Variants in CYB5R4 observed in about 807,000 individuals in gnomAD.
CYB5R4 encodes the protein cytochrome b5 reductase 4, also known as N-terminal cytochrome b5 and cytochrome b5 oxidoreductase domain-containing protein.
In CYB5R4, 55 loss-of-function variants were observed where a neutral mutation model predicts 70.2. The observed-to-expected ratio is 0.78, with a 90% CI of 0.63 to 0.98. The LOEUF (loss-of-function observed/expected upper bound fraction) is 0.98, where lower values mean the gene tolerates loss of function less well. Among genes scored for constraint, CYB5R4 ranks in the 50% least tolerant of loss-of-function variants. CYB5R4 has a pLI of 0.00. For synonymous variants in CYB5R4, 197 were observed against 199.5 expected (o/e 0.99, Z 0.11); for missense variants, 562 against 612.6 (o/e 0.92, Z 0.87).
At position 83,939,519 on chromosome 6, in the gene CYB5R4, TAGAAG is replaced by T. The variant is rs1233735812; in HGVS notation, c.1109-531_1109-527del. ...TTAATAGGTCTTTTCAAAAATTTGGTAGAAGAGAAGTTGGTGTGTTAATCAACATA... is the reference window on the plus strand; with the variant it reads ...TTAATAGGTCTTTTCAAAAATTTGGTAGAAGTTGGTGTGTTAATCAACATA... On this transcript the variant is annotated intron_variant, in intron 12 of 15. Transcript: ENST00000369681. 5.9e-5 allele frequency among the ~76,000 whole-genome samples: 9 copies of T among 152,316 alleles called. No homozygotes were observed. The East Asian group carries it at 1.4e-3, about 23-fold the overall frequency.
chr6:83,911,132 C>T (rs1045564771), intron 4 of CYB5R4, among the ~76,000 whole-genome samples: 6 of 152,124 alleles, frequency 3.9e-5, no homozygotes, highest in South Asian at 2.1e-4. Context: ...TGGCTAGGTG[C>T]GGTGGCTCAT....
chr6:83,868,180 T>TC (rs1237287405), intron 2 of CYB5R4, among the ~76,000 whole-genome samples: 3 of 152,168 alleles, frequency 2.0e-5, no homozygotes, highest in South Asian at 2.1e-4. Flanking sequence ...CTTTTTTTTT[T>TC]CCCTTTTTTA....
intron 4 of CYB5R4, 72 bp downstream of exon 4, chr6:83,909,162 C>A: frequency 1.6e-6 from 2 of 1,242,666 alleles, no homozygotes; most frequent in Non-Finnish European, 2.3e-6. Flanking sequence ...TGGATTTAAA[C>A]AACTAGGTCT....
Position 83,918,075 on chromosome 6 carries a change from C to G in CYB5R4, c.506+10C>G. On this transcript the variant is annotated intron_variant, in intron 6 of 15. Coordinates refer to ENST00000369681, the MANE Select transcript of CYB5R4 (RefSeq NM_016230.4). ...GTCCTAGTTATCCAAGGTATGCATT[C>G]TTATTTAAAATTTTTAAAGTTAAAT... 1.9e-6 allele frequency: 3 copies of G among 1,599,980 alleles called. No individual in the cohort carries two copies. The highest frequency in any genetic ancestry group is 2.6e-6 in the Non-Finnish European group (3 of 1,169,322).
intron 14 of CYB5R4, among the ~76,000 whole-genome samples, chr6:83,949,321 AC>A (rs1012671620): frequency 7.9e-5 from 12 of 152,208 alleles, no homozygotes; most frequent in Admixed American, 4.6e-4. Flanking sequence ...TGTGTCCCAT[AC>A]AAAAAAGGAA....
intron 2 of CYB5R4, among the ~76,000 whole-genome samples, chr6:83,884,406 G>A (rs138315534): frequency 1.7e-3 from 259 of 152,056 alleles, no homozygotes; most frequent in Non-Finnish European, 3.0e-3. Context: ...TGATAAAAAG[G>A]ATTATGAGGC....
intron 14 of CYB5R4, among the ~76,000 whole-genome samples, chr6:83,953,814 T>G (rs2099471907): frequency 6.6e-6 from 1 of 152,112 alleles, no homozygotes; most frequent in South Asian, 2.1e-4. Context: ...CTGCTAATGA[T>G]TTAGACTAAA....
chr6:83,874,833 T>A (rs2099458249), intron 2 of CYB5R4, among the ~76,000 whole-genome samples: 2 of 149,780 alleles, frequency 1.3e-5, no homozygotes, highest in South Asian at 4.2e-4. Context: ...TTATTTTTAT[T>A]TTTTTTTTTA....
intron 2 of CYB5R4, among the ~76,000 whole-genome samples, chr6:83,884,192 T>C (rs2099459905): frequency 6.6e-6 from 1 of 151,922 alleles, no homozygotes; most frequent in Admixed American, 6.6e-5. Flanking sequence ...TAATTATCTA[T>C]TGATAATTAT....
intron 2 of CYB5R4, among the ~76,000 whole-genome samples, chr6:83,870,070 TAAA>T (rs1464021843): frequency 6.6e-6 from 1 of 152,212 alleles, no homozygotes; most frequent in African/African-American, 2.4e-5. Context: ...CAATATATAT[TAAA>T]GAAGGTGTCT....
At chr6:83,954,281 G>T (rs2099471977) in intron 14 of CYB5R4, among the ~76,000 whole-genome samples, 1 of 152,162 alleles carries the variant, frequency 6.6e-6, no homozygotes, top group Non-Finnish European at 1.5e-5. Context: ...CGTATGAAAA[G>T]GAGATAAGCA....
chr6:83,904,267 T>G (rs948650874), intron 3 of CYB5R4, among the ~76,000 whole-genome samples: 6 of 152,194 alleles, frequency 3.9e-5, no homozygotes, highest in Non-Finnish European at 7.4e-5. Flanking sequence ...AAGAAATTTT[T>G]TTATTTCCAT....
At chr6:83,881,515 A>T (rs977617718) in intron 2 of CYB5R4, among the ~76,000 whole-genome samples, 1 of 152,184 alleles carries the variant, frequency 6.6e-6, no homozygotes, top group African/African-American at 2.4e-5. Context: ...AACTTCTTAC[A>T]CTATGACTTT....
At chr6:83,883,389 A>C (rs2099459759) in intron 2 of CYB5R4, among the ~76,000 whole-genome samples, 1 of 152,198 alleles carries the variant, frequency 6.6e-6, no homozygotes, top group East Asian at 1.9e-4. Flanking sequence ...TAGCAAATCT[A>C]AACATAATTA....
In CYB5R4 at chr6:83,967,045, TTAAGA is replaced by T. The variant is rs1406559315; in HGVS notation, c.*7168_*7172del. On this transcript the variant is annotated 3_prime_UTR_variant, in exon 16 of 16. Coordinates refer to ENST00000369681, the MANE Select transcript of CYB5R4 (RefSeq NM_016230.4). ...CTTTTCAACAGCATTGCCTTATGCT[TTAAGA>T]AAGTGTTGTACCACATTTGATATCC... 6.6e-6 allele frequency: 1 copy of T among 152,192 alleles called. No homozygotes were observed. Among genetic ancestry groups the T allele is most frequent in the African/African-American group, 2.4e-5 (1 of 41,444 alleles). The allele number at this position is 152,192 out of a possible 1,614,324, so 9.4% of individuals were successfully genotyped here.
At chr6:83,931,165 T>C (rs748002741) in intron 10 of CYB5R4, among the ~76,000 whole-genome samples, 5 of 152,240 alleles carry the variant, frequency 3.3e-5, no homozygotes, top group South Asian at 2.1e-4. Context: ...GCTATAGTGA[T>C]TGGCTACTAA....
chr6:83,891,152 G>A (rs1199707607), intron 2 of CYB5R4, among the ~76,000 whole-genome samples: 3 of 152,050 alleles, frequency 2.0e-5, no homozygotes, highest in Non-Finnish European at 2.9e-5. Context: ...TCACTATGTT[G>A]CCCAGACTGG....
At position 83,940,014 on chromosome 6, in the gene CYB5R4, T is replaced by G; in HGVS notation, c.1109-42T>G. The stretch of plus-strand genomic sequence containing the variant: ...CCGCTGGGTTTTTTGTTTTGTTTTT[T>G]GTTTTTTTTTTTTCTGATTTAGCTT... On this transcript the variant is annotated intron_variant, in intron 12 of 15. Transcript: ENST00000369681. The G allele has an allele frequency of 2.1e-6, 3 of 1,404,810 alleles. No individual in the cohort carries two copies. Among genetic ancestry groups the G allele is most frequent in the Non-Finnish European group, 2.9e-6 (3 of 1,033,576 alleles). The allele number at this position is 1,404,810 out of a possible 1,614,324, so 87.0% of individuals were successfully genotyped here. A position where few individuals can be genotyped will look rare whatever the true frequency, so the allele number is the denominator to read the frequency against.
At chr6:83,951,817 T>A (rs1185586366) in intron 14 of CYB5R4, among the ~76,000 whole-genome samples, 1 of 152,164 alleles carries the variant, frequency 6.6e-6, no homozygotes, top group African/African-American at 2.4e-5. Flanking sequence ...GATTGCTGGG[T>A]CAAATGGTCT....
Sources: gnomAD v4.1 joint callset for allele counts (sites outside exome capture counted in the v4.1 genomes callset) on GRCh38, gnomAD v4.1.1 for gene constraint, MANE v1.5 for transcripts, NCBI Gene and HGNC (gene_info 2026-07-23, HGNC 2026-07-21) for gene names.